Variants in AGBL4 observed in about 807,000 individuals in gnomAD.
AGBL4 encodes the protein cytosolic carboxypeptidase 6.
AGBL4 carries 58 observed loss-of-function variants against 66.4 expected under a neutral mutation model. The observed-to-expected ratio is 0.87, with a 90% CI of 0.71 to 1.09. The LOEUF is 1.09. Among genes scored for constraint, AGBL4 ranks in the 50% least tolerant of loss-of-function variants. The pLI, the probability that AGBL4 is intolerant of heterozygous loss-of-function variation, is 0.00. For synonymous variants in AGBL4, 234 were observed against 222.9 expected, an observed-to-expected ratio of 1.05 and a Z score of -0.44; for missense variants, 579 against 631.0, an observed-to-expected ratio of 0.92 and a Z score of 0.88.
chr1:49,929,768 T>C (rs1653149657), intron 1 of AGBL4, among the ~76,000 whole-genome samples: 1 of 152,096 alleles, frequency 6.6e-6, no homozygotes, highest in Non-Finnish European at 1.5e-5. Flanking sequence ...TCTAAACTTA[T>C]CTTAAAATAA....
At chr1:49,308,379 T>A (rs1386677665) in intron 3 of AGBL4, among the ~76,000 whole-genome samples, 1 of 152,142 alleles carries the variant, frequency 6.6e-6, no homozygotes, top group South Asian at 2.1e-4. Context: ...GTCTTTAATG[T>A]CTATGTAATA....
intron 3 of AGBL4, among the ~76,000 whole-genome samples, chr1:49,568,520 CACAA>C (rs1210434454): frequency 6.6e-6 from 1 of 151,320 alleles, no homozygotes; most frequent in Non-Finnish European, 1.5e-5. Context: ...CACACACACA[CACAA>C]ATGCCATGCT....
At position 48,590,981 on chromosome 1, in the gene AGBL4, G is replaced by A. The variant is rs1644906916; in HGVS notation, c.956C>T (p.Thr319Ile). ...LIVQMYNDPK[T>I]SLEFYIDIHA... ...GATGTCAATATAAAACTCCAGGCTT[G>A]TTTTCTGTTGAGAGAAAGGATAACA... is the stretch of plus-strand genomic sequence containing the variant. The change falls in exon 10 of 14, where the codon ACA (threonine) becomes ATA (isoleucine). Residue 319 changes from threonine to isoleucine, a missense_variant. Thr to Ile is a moderately conservative substitution (Grantham distance 89). Coordinates refer to ENST00000371839, the MANE Select transcript of AGBL4 (RefSeq NM_032785.4). 3 of 1,606,614 alleles carry A rather than the reference G, an allele frequency of 1.9e-6. No homozygotes were observed. Among genetic ancestry groups the A allele is most frequent in the Non-Finnish European group, 2.5e-6 (3 of 1,176,786 alleles).
intron 4 of AGBL4, among the ~76,000 whole-genome samples, chr1:49,089,858 T>C (rs1187584159): frequency 1.3e-5 from 2 of 152,104 alleles, no homozygotes; most frequent in Non-Finnish European, 1.5e-5. Context: ...AGCAAAATAC[T>C]AGCAAACCAA....
chr1:49,820,069 A>G (rs1205243005), intron 2 of AGBL4, among the ~76,000 whole-genome samples: 1 of 152,186 alleles, frequency 6.6e-6, no homozygotes, highest in Non-Finnish European at 1.5e-5. Flanking sequence ...GACTTCCCAC[A>G]TTCAAGGAGT....
chr1:49,285,530 C>T (rs532171389), intron 3 of AGBL4, among the ~76,000 whole-genome samples: 1 of 152,050 alleles, frequency 6.6e-6, no homozygotes, highest in South Asian at 2.1e-4. Flanking sequence ...CAGCGTAGAA[C>T]AGAAGGAAAT....
intron 6 of AGBL4, chr1:48,727,699 G>C (rs1647389093): frequency 2.4e-6 from 1 of 417,396 alleles, no homozygotes; most frequent in Non-Finnish European, 4.2e-6. Flanking sequence ...GGCTGCTCCT[G>C]AGTCTCAGCA....
chr1:49,280,429 G>A (rs1644251526), intron 3 of AGBL4, among the ~76,000 whole-genome samples: 1 of 152,294 alleles, frequency 6.6e-6, no homozygotes, highest in African/African-American at 2.4e-5. Flanking sequence ...CACTGCCTAA[G>A]GAGGGCAGTG....
intron 2 of AGBL4, among the ~76,000 whole-genome samples, chr1:49,833,355 C>T (rs564825227): frequency 6.6e-6 from 1 of 151,672 alleles, no homozygotes; most frequent in South Asian, 2.1e-4. Flanking sequence ...TGATCTATAT[C>T]TCTGTTTTGG....
chr1:48,814,906 G>A (rs993250092), intron 6 of AGBL4, among the ~76,000 whole-genome samples: 4 of 152,072 alleles, frequency 2.6e-5, no homozygotes, highest in Non-Finnish European at 5.9e-5. Context: ...CTTTCCTTTG[G>A]ATAAATGCCC....
At chr1:49,787,526 AC>A (rs1197101689) in intron 2 of AGBL4, among the ~76,000 whole-genome samples, 1 of 151,916 alleles carries the variant, frequency 6.6e-6, no homozygotes, top group African/African-American at 2.4e-5. Flanking sequence ...AAAAATTGAA[AC>A]CAACCCCAGA....
chr1:49,583,906 C>A (rs1294331687), intron 3 of AGBL4, among the ~76,000 whole-genome samples: 2 of 152,090 alleles, frequency 1.3e-5, no homozygotes, highest in Non-Finnish European at 2.9e-5. Flanking sequence ...TGGCATATAC[C>A]CTTAAGCCAG....
At chr1:49,849,603 A>T (rs1646255706) in intron 2 of AGBL4, among the ~76,000 whole-genome samples, 2 of 151,904 alleles carry the variant, frequency 1.3e-5, no homozygotes, top group Admixed American at 1.3e-4. Flanking sequence ...CACAGCCTGA[A>T]CCAATATCTG....
At chr1:48,959,899 G>A (rs1657813310) in intron 5 of AGBL4, among the ~76,000 whole-genome samples, 1 of 152,190 alleles carries the variant, frequency 6.6e-6, no homozygotes, top group Non-Finnish European at 1.5e-5. Flanking sequence ...ACAGTAAGAA[G>A]ACTTTCATGT....
intron 3 of AGBL4, among the ~76,000 whole-genome samples, chr1:49,337,150 G>T (rs549831658): frequency 3.3e-5 from 5 of 152,256 alleles, no homozygotes; most frequent in African/African-American, 7.2e-5. Flanking sequence ...AGAGATAACT[G>T]AGATGGCATG....
At chr1:49,037,851 T>C (rs1664789039) in intron 5 of AGBL4, among the ~76,000 whole-genome samples, 1 of 152,028 alleles carries the variant, frequency 6.6e-6, no homozygotes, top group Non-Finnish European at 1.5e-5. Flanking sequence ...AGATGCTCAC[T>C]AGATATTTGT....
At chr1:48,717,318 GTA>G (rs1250151538) in intron 6 of AGBL4, among the ~76,000 whole-genome samples, 46 of 152,206 alleles carry the variant, frequency 3.0e-4, no homozygotes, top group African/African-American at 1.1e-3. Context: ...GACTGTGCAT[GTA>G]TATGTCTATA....
chr1:49,302,608 T>TTTTTATTTTATTTTATTTTATTTTA (rs1167039507), intron 3 of AGBL4, among the ~76,000 whole-genome samples: 29 of 110,108 alleles, frequency 2.6e-4, no homozygotes, highest in Middle Eastern at 4.7e-3. Context: ...TTATTTTATT[T>TTTTTATTTTATTTTATTTTATTTTA]TTTTATTTTA....
intron 6 of AGBL4, among the ~76,000 whole-genome samples, chr1:48,755,760 T>C (rs1183888725): frequency 6.6e-6 from 1 of 152,192 alleles, no homozygotes; most frequent in Non-Finnish European, 1.5e-5. Context: ...ACTCTGCGTT[T>C]TAATAACATG....
Sources: gnomAD v4.1 joint callset for allele counts (sites outside exome capture counted in the v4.1 genomes callset) on GRCh38, gnomAD v4.1.1 for gene constraint, MANE v1.5 for transcripts, NCBI Gene and HGNC (gene_info 2026-07-23, HGNC 2026-07-21) for gene names.